IL1R1: variants seen among roughly 807,000 people sequenced by gnomAD.
IL1R1 encodes interleukin 1 receptor type 1.
IL1R1 carries 22 observed loss-of-function variants against 50.2 expected under a neutral mutation model. The ratio of observed to expected loss-of-function variants is 0.44; its 90% CI spans 0.31 to 0.63. The LOEUF is 0.63. Among genes scored for constraint, IL1R1 ranks in the 20% least tolerant of loss-of-function variants. IL1R1 has a pLI of 0.07. For missense variants in IL1R1, 509 were observed against 676.2 expected (o/e 0.75, Z 2.74); for synonymous variants, 251 against 236.7 (o/e 1.06, Z -0.55).
At chr2:102,100,610 G>A (rs777625968), upstream of IL1R1, among the ~76,000 whole-genome samples, 25 of 152,142 alleles carry the variant, frequency 1.6e-4, no homozygotes, top group Admixed American at 3.3e-4. Context: ...AAGATTGCAT[G>A]AGCTTCACCA....
chr2:102,133,357 T>C (rs1682152561), intron 1 of IL1R1, among the ~76,000 whole-genome samples: 1 of 152,176 alleles, frequency 6.6e-6, no homozygotes, highest in African/African-American at 2.4e-5. Flanking sequence ...ACTCAAACTC[T>C]TCCAGAAAAT....
Position 102,165,660 on chromosome 2 carries a change from C to T in IL1R1, c.486+356C>T, listed in dbSNP as rs55687408. On this transcript the variant is annotated intron_variant, in intron 5 of 11. Transcript: ENST00000410023. ...GAAGATATGGTCTTCAAATAACCTG[C>T]TAGTTTCCATAACTGTCTGAAAAGT... Among the ~76,000 whole-genome samples, 154 of 152,230 alleles carry T rather than the reference C, an allele frequency of 1.0e-3. 2 individuals are homozygous for T. The East Asian group carries it at 0.018, about 18-fold the overall frequency.
At position 102,171,877 on chromosome 2, in the gene IL1R1, A is replaced by G. The variant is rs115796194; in HGVS notation, c.798A>G (p.Val266=). The G allele has an allele frequency of 9.1e-4, 1,466 of 1,608,856 alleles. 9 individuals carry two copies. The African/African-American group carries it at 0.018, about 19-fold the overall frequency. Residue 266 remains valine (V), a synonymous_variant, in exon 8 of 12, where the codon GTA becomes GTG. Coordinates refer to ENST00000410023, the MANE Select transcript of IL1R1 (RefSeq NM_000877.4). ...DIAYWKWNGS[V]IDEDDPVLGE... ...CTTACTGGAAGTGGAATGGGTCAGT[A>G]ATTGATGAAGATGACCCAGTGCTAG...
intron 9 of IL1R1, 86 bp downstream of exon 9, chr2:102,172,924 C>A: frequency 3.4e-6 from 3 of 890,406 alleles, no homozygotes; most frequent in Non-Finnish European, 3.5e-6. Flanking sequence ...ATTTCCTCTG[C>A]TTAGAACACG....
At chr2:102,149,489 G>A (rs971272574) in intron 1 of IL1R1, among the ~76,000 whole-genome samples, 1 of 152,162 alleles carries the variant, frequency 6.6e-6, no homozygotes, top group African/African-American at 2.4e-5. Flanking sequence ...CTGCAGCTTG[G>A]CCAGACACAT....
chr2:102,108,722 T>C (rs1316570982), intron 1 of IL1R1, among the ~76,000 whole-genome samples: 2 of 151,958 alleles, frequency 1.3e-5, no homozygotes, highest in African/African-American at 4.8e-5. Flanking sequence ...TTCTATTGAG[T>C]AAATATTTAA....
At chr2:102,101,053 T>A (rs971662364), upstream of IL1R1, among the ~76,000 whole-genome samples, 2 of 152,138 alleles carry the variant, frequency 1.3e-5, no homozygotes, top group Non-Finnish European at 2.9e-5. Context: ...CTGGAAAGCA[T>A]TTTGGAGATC....
intron 1 of IL1R1, among the ~76,000 whole-genome samples, chr2:102,129,532 G>A (rs1681914756): frequency 6.6e-6 from 1 of 152,138 alleles, no homozygotes; most frequent in Admixed American, 6.6e-5. Flanking sequence ...GGGAATTCAG[G>A]GCAGGATTTG....
chr2:102,159,830 C>G (rs1431014372), intron 3 of IL1R1, among the ~76,000 whole-genome samples: 3 of 152,110 alleles, frequency 2.0e-5, no homozygotes, highest in Admixed American at 6.5e-5. Context: ...CTGCAAAGCT[C>G]TTGATATTCA....
chr2:102,175,763 C>A, intron 11 of IL1R1, 118 bp downstream of exon 11: 3 of 891,346 alleles, frequency 3.4e-6, no homozygotes, highest in South Asian at 2.7e-5. Flanking sequence ...ATTTTAAGAA[C>A]CTCTTCAGAA....
intron 1 of IL1R1, among the ~76,000 whole-genome samples, chr2:102,079,450 T>C (rs1001832852): frequency 6.6e-6 from 1 of 152,232 alleles, no homozygotes; most frequent in Admixed American, 6.5e-5. Flanking sequence ...TTTTATATAT[T>C]AGCAATGAAA....
chr2:102,119,432 A>T (rs1681279867), intron 1 of IL1R1, among the ~76,000 whole-genome samples: 1 of 152,208 alleles, frequency 6.6e-6, no homozygotes, highest in African/African-American at 2.4e-5. Context: ...CATGAGATTA[A>T]CTTCTGGAAC....
At chr2:102,132,769 T>C (rs1682108923) in intron 1 of IL1R1, among the ~76,000 whole-genome samples, 4 of 152,158 alleles carry the variant, frequency 2.6e-5, no homozygotes, top group African/African-American at 9.7e-5. Flanking sequence ...GTAATATCAC[T>C]ATACTACACC....
chr2:102,129,652 CA>C (rs1043032333), intron 1 of IL1R1, among the ~76,000 whole-genome samples: 1 of 152,180 alleles, frequency 6.6e-6, no homozygotes, highest in Non-Finnish European at 1.5e-5. Context: ...AAATCGGGGT[CA>C]GGGGTGAAGC....
chr2:102,157,035 G>A (rs1042854893), intron 2 of IL1R1, among the ~76,000 whole-genome samples: 5 of 152,144 alleles, frequency 3.3e-5, no homozygotes, highest in African/African-American at 1.2e-4. Flanking sequence ...TTGCTCCTAA[G>A]GTTGAGCAGA....
intron 1 of IL1R1, among the ~76,000 whole-genome samples, chr2:102,135,272 A>G (rs1682282776): frequency 7.8e-6 from 1 of 128,046 alleles, no homozygotes; most frequent in South Asian, 2.5e-4. Context: ...CGGTACCTAC[A>G]ATAAAAAATG....
upstream of IL1R1, among the ~76,000 whole-genome samples, chr2:102,139,993 G>T (rs974090594): frequency 6.6e-6 from 1 of 152,124 alleles, no homozygotes; most frequent in African/African-American, 2.4e-5. Context: ...ACCTTTCAGG[G>T]TCTAGTAAAG....
At chr2:102,072,197 T>G (rs1351227382) in intron 1 of IL1R1, among the ~76,000 whole-genome samples, 1 of 151,184 alleles carries the variant, frequency 6.6e-6, no homozygotes, top group Non-Finnish European at 1.5e-5. Flanking sequence ...GAGGTGGAGG[T>G]TGCAGTGAGC....
chr2:102,168,492 G>A (rs1309654796), intron 6 of IL1R1, 106 bp from the exon 7 acceptor site: 1 of 884,782 alleles, frequency 1.1e-6, no homozygotes, highest in Non-Finnish European at 1.9e-6. Flanking sequence ...AACACTTGAT[G>A]GAATATCTGG....
Sources: gnomAD v4.1 joint callset for allele counts (sites outside exome capture counted in the v4.1 genomes callset) on GRCh38, gnomAD v4.1.1 for gene constraint, MANE v1.5 for transcripts, NCBI Gene and HGNC (gene_info 2026-07-23, HGNC 2026-07-21) for gene names.